Variants in MEGF8 observed in about 807,000 individuals in gnomAD.
The protein encoded by MEGF8 is multiple epidermal growth factor-like domains protein 8.
A neutral mutation model predicts 302.9 loss-of-function variants in MEGF8; 156 were observed. The ratio of observed to expected loss-of-function variants is 0.52; its 90% CI spans 0.45 to 0.59. The LOEUF is 0.59. Among genes scored for constraint, MEGF8 ranks in the 20% least tolerant of loss-of-function variants. The probability of loss-of-function intolerance (pLI) is 0.00; values close to 1 mark genes in which losing one functional copy is unlikely to be tolerated. For synonymous variants in MEGF8, 1,621 were observed against 1,660.5 expected (o/e 0.98, Z 0.58); for missense variants, 3,345 against 3,964.5 (o/e 0.84, Z 4.20).
Position 42,356,904 on chromosome 19 carries a change from G to A in MEGF8, c.4753G>A (p.Gly1585Arg). 1 of 1,609,780 alleles carries A rather than the reference G, an allele frequency of 6.2e-7. No homozygotes were observed. Among genetic ancestry groups the A allele is most frequent in the South Asian group, 1.1e-5 (1 of 89,874 alleles). ...TGGCCGTGGTGCCATGTATCTGCTGGGGGGACTTACCGCTGGAGGCGTCAC... is the reference window on the plus strand; with the variant it reads ...TGGCCGTGGTGCCATGTATCTGCTGAGGGGACTTACCGCTGGAGGCGTCAC... ...PAGRGAMYLL[G>R]GLTAGGVTRD... The change falls in exon 27 of 42, where the codon GGG becomes AGG. Residue 1585 changes from glycine (G) to arginine (R), a missense_variant. Physicochemically the swap from Gly to Arg is moderately radical, Grantham distance 125. Transcript: ENST00000251268. The surrounding 1 kb of genome is among the most constrained non-coding windows in gnomAD (Gnocchi z 5.2).
rs778039973 is a variant in MEGF8 at position 42,351,296 on chromosome 19, C to T, written c.2817C>T (p.Ala939=). ...ACSRRGRGRG[A]LKSPEECPPL... is the part of the protein sequence containing the mutation. ...GCCGGCGGGGCCGGGGTCGGGGTGC[C>T]CTGAAGAGTCCAGAGGAGTGTCCCC... is the stretch of plus-strand genomic sequence containing the variant. Residue 939 remains alanine, a synonymous_variant, in exon 16 of 42, where the codon GCC becomes GCT. Coordinates refer to ENST00000251268, the MANE Select transcript of MEGF8 (RefSeq NM_001271938.2). This position sits in a 1 kb window ranked among gnomAD's most constrained non-coding sequence, Gnocchi z 5.6. 1.2e-5 allele frequency: 19 copies of T among 1,568,450 alleles called. No individual in the cohort carries two copies. Among genetic ancestry groups the T allele is most frequent in the Admixed American group, 1.9e-5 (1 of 52,662 alleles).
chr19:42,342,224 G>A (rs942971656), intron 8 of MEGF8, among the ~76,000 whole-genome samples: 5 of 152,204 alleles, frequency 3.3e-5, no homozygotes, highest in African/African-American at 7.2e-5. Context: ...AGTCCCACAC[G>A]TTTACAGTGC....
In MEGF8 at chr19:42,326,270, G is replaced by C. The variant is rs1029623509; in HGVS notation, c.27G>C (p.Met9Ile). The C allele has an allele frequency of 6.4e-7, 1 of 1,554,446 alleles. No individual in the cohort carries two copies. The highest frequency in any genetic ancestry group is 2.2e-5 in the Admixed American group (1 of 45,286). Residue 9 changes from methionine (M) to isoleucine (I), a missense_variant, in exon 1 of 42, where the codon ATG becomes ATC. By Grantham distance (10) the Met-to-Ile change is conservative (BLOSUM62 1). Transcript: ENST00000251268. MALGKVLA[M>I]ALVLALAVLG... ...TGGCCCTGGGCAAGGTTCTGGCCAT[G>C]GCACTGGTTTTGGCCTTGGCCGTGC...
chr19:42,329,656 G>T lies in MEGF8; in HGVS notation c.187+3226G>T, dbSNP rs557745137. On this transcript the variant is annotated intron_variant, in intron 1 of 41. Coordinates refer to ENST00000251268, the MANE Select transcript of MEGF8 (RefSeq NM_001271938.2). ...ATGCAAGGATTACTCGAGCCCAGGAGTTAGAGACTAGCCTGAACAACATGG... is the reference window on the plus strand; with the variant it reads ...ATGCAAGGATTACTCGAGCCCAGGATTTAGAGACTAGCCTGAACAACATGG... 2.0e-5 allele frequency among the ~76,000 whole-genome samples: 3 copies of T among 152,308 alleles called. No homozygotes were observed. The South Asian group carries it at 6.2e-4, about 32-fold the overall frequency.
In MEGF8 at chr19:42,368,507, G is replaced by A; in HGVS notation, c.6326G>A (p.Arg2109Gln). Residue 2109 changes from arginine to glutamine, a missense_variant, in exon 36 of 42, where the codon CGG (arginine) becomes CAG (glutamine). Transcript: ENST00000251268. The surrounding 1 kb of genome is among the most constrained non-coding windows in gnomAD (Gnocchi z 4.9). The stretch of plus-strand genomic sequence containing the variant: ...CGATGTATGGCCGGAGGCTGTGGGC[G>A]GCTGCTCCGGGGACCTGAGAGCTGC... ...PLRCMAGGCGRLLRGPESCSL... is the reference protein window; with the variant it reads ...PLRCMAGGCGQLLRGPESCSL... 6.2e-7 allele frequency: 1 copy of A among 1,609,326 alleles called. No individual in the cohort carries two copies. Among genetic ancestry groups the A allele is most frequent in the Non-Finnish European group, 8.5e-7 (1 of 1,178,540 alleles).
Position 42,352,941 on chromosome 19 carries a change from T to C in MEGF8, c.3364T>C (p.Cys1122Arg). The change falls in exon 20 of 42, where the codon TGT becomes CGT. Residue 1122 changes from cysteine (C) to arginine (R), a missense_variant. By Grantham distance (180) the Cys-to-Arg change is radical. Transcript: ENST00000251268. The surrounding 1 kb of genome is among the most constrained non-coding windows in gnomAD (Gnocchi z 4.4). The stretch of plus-strand genomic sequence containing the variant: ...ACGGCCCCTCAGGTGCTTGGAGGAC[T>C]GTGGCCATGGTGTGTGCAGTGGCCC... ...SHCNRTCLED[C>R]GHGVCSGPPD... 6.3e-7 allele frequency: 1 copy of C among 1,598,786 alleles called. No individual in the cohort carries two copies. The highest frequency in any genetic ancestry group is 8.5e-7 in the Non-Finnish European group (1 of 1,173,480).
intron 8 of MEGF8, 53 bp downstream of exon 8, chr19:42,337,259 A>G (rs1431751845): frequency 6.2e-7 from 1 of 1,609,464 alleles, no homozygotes; most frequent in East Asian, 2.2e-5. Flanking sequence ...ACCTCTCTCC[A>G]TAGTGATTCT....
At chr19:42,348,710 CT>C (rs2039325994) in intron 13 of MEGF8, among the ~76,000 whole-genome samples, 1 of 152,222 alleles carries the variant, frequency 6.6e-6, no homozygotes, top group African/African-American at 2.4e-5. Flanking sequence ...AGCAATTCTT[CT>C]GCCTCAGCCT....
chr19:42,347,001 AAAAAG>A (rs1219581280), intron 12 of MEGF8, among the ~76,000 whole-genome samples: 2 of 150,436 alleles, frequency 1.3e-5, no homozygotes, highest in African/African-American at 4.9e-5. Flanking sequence ...AAAAAAAAAA[AAAAAG>A]AAAAAGAAAA....
chr19:42,340,462 C>G (rs1403088457), intron 8 of MEGF8, among the ~76,000 whole-genome samples: 1 of 152,148 alleles, frequency 6.6e-6, no homozygotes, highest in Non-Finnish European at 1.5e-5. Context: ...CTCCTGGCCT[C>G]AAGTGATCCA....
Position 42,358,053 on chromosome 19 carries a change from G to C in MEGF8, c.5012-91G>C, listed in dbSNP as rs2039477227. 2 of 1,280,144 alleles carry C rather than the reference G, an allele frequency of 1.6e-6. No homozygotes were observed. The highest frequency in any genetic ancestry group is 6.8e-5 in the Admixed American group (2 of 29,362). 79.3% of individuals were successfully genotyped at this position (1,280,144 alleles called of 1,614,324 possible). ...GGCCTCCAGTCTCAGGGCCGGGGAA[G>C]GGAGTGGTCACCGAACAGGGGACCG... On this transcript the variant is annotated intron_variant, in intron 28 of 41. Coordinates refer to ENST00000251268, the MANE Select transcript of MEGF8 (RefSeq NM_001271938.2). This position sits in a 1 kb window ranked among gnomAD's most constrained non-coding sequence, Gnocchi z 4.4.
rs780548431 is a variant in MEGF8, at chr19:42,350,315, C to T, written c.2667C>T (p.Ser889=). ...AHCGDDGAGG[S]LLVLVPTLCP... is the part of the protein sequence containing the mutation. ...GCGGGGATGACGGGGCTGGTGGGTC[C>T]CTGCTGGTGCTGGTGCCTACCCTCT... The change falls in exon 15 of 42, where the codon TCC becomes TCT. Residue 889 remains serine (S), a synonymous_variant. Coordinates refer to ENST00000251268, the MANE Select transcript of MEGF8 (RefSeq NM_001271938.2). The T allele has an allele frequency of 1.0e-5, 16 of 1,607,936 alleles. No individual in the cohort carries two copies. Among genetic ancestry groups the T allele is most frequent in the Non-Finnish European group, 1.3e-5 (15 of 1,179,590 alleles).
rs1258266687 is a variant in MEGF8 at position 42,358,649 on chromosome 19, G to C, written c.5176-138G>C. ...AAGGCCAAGGAGAATGTGTGTGGGA[G>C]GGCAGGGAGCCCTGTCTGCACTGGT... is the stretch of plus-strand genomic sequence containing the variant. On this transcript the variant is annotated intron_variant, in intron 29 of 41. Coordinates refer to ENST00000251268, the MANE Select transcript of MEGF8 (RefSeq NM_001271938.2). The surrounding 1 kb of genome is among the most constrained non-coding windows in gnomAD (Gnocchi z 4.4). The C allele has an allele frequency of 9.6e-7, 1 of 1,039,268 alleles. No homozygotes were observed. The highest frequency in any genetic ancestry group is 1.6e-5 in the African/African-American group (1 of 61,130). 64.4% of individuals were successfully genotyped at this position (1,039,268 alleles called of 1,614,324 possible). A position where few individuals can be genotyped will look rare whatever the true frequency, so the allele number is the denominator to read the frequency against.
At chr19:42,335,562 C>T (rs761767863) in intron 5 of MEGF8, among the ~76,000 whole-genome samples, 177 bp downstream of exon 5, 9 of 152,150 alleles carry the variant, frequency 5.9e-5, no homozygotes, top group Non-Finnish European at 1.0e-4. Context: ...TCTTCCTCTT[C>T]CTTTATCTGC....
rs2039750680 is a variant in MEGF8 at position 42,375,375 on chromosome 19, TG to T, written c.7270-128del. 5.3e-6 allele frequency: 5 copies of T among 936,256 alleles called. No individual in the cohort carries two copies. In the Admixed American group the frequency reaches 1.1e-4, roughly 21 times the overall value. The allele number at this position is 936,256 out of a possible 1,614,324, so 58.0% of individuals were successfully genotyped here. A position where few individuals can be genotyped will look rare whatever the true frequency, so the allele number is the denominator to read the frequency against. ...GTCCGGGGGGTCACAGGGAAGTGAC[TG>T]GGGCAGTGGGGGTGAGGCCCAGGGC... is the stretch of plus-strand genomic sequence containing the variant. On this transcript the variant is annotated intron_variant, in intron 41 of 41. Coordinates refer to ENST00000251268, the MANE Select transcript of MEGF8 (RefSeq NM_001271938.2). This position sits in a 1 kb window ranked among gnomAD's most constrained non-coding sequence, Gnocchi z 7.1.
Position 42,344,495 on chromosome 19 carries a change from T to C in MEGF8, c.1843T>C (p.Cys615Arg). Residue 615 changes from cysteine to arginine, a missense_variant, in exon 11 of 42, where the codon TGC becomes CGC. Cys to Arg is a radical substitution (Grantham distance 180). Transcript: ENST00000251268. This position sits in a 1 kb window ranked among gnomAD's most constrained non-coding sequence, Gnocchi z 4.5. ...LGRLLGDCQA[C>R]LAFSSPTAPP... ...CCGCCTCCTGGGTGACTGCCAGGCC[T>C]GCCTGGCCTTCAGCAGCCCCACAGC... 9.4e-6 allele frequency: 15 copies of C among 1,598,660 alleles called. No homozygotes were observed. Among genetic ancestry groups the C allele is most frequent in the Non-Finnish European group, 1.3e-5 (15 of 1,179,354 alleles).
chr19:42,353,719 G>C lies in MEGF8; in HGVS notation c.3761+44G>C. 1.3e-6 allele frequency: 2 copies of C among 1,573,456 alleles called. No individual in the cohort carries two copies. Among genetic ancestry groups the C allele is most frequent in the Non-Finnish European group, 1.7e-6 (2 of 1,154,420 alleles). On this transcript the variant is annotated intron_variant, in intron 21 of 41. Coordinates refer to ENST00000251268, the MANE Select transcript of MEGF8 (RefSeq NM_001271938.2). This position sits in a 1 kb window ranked among gnomAD's most constrained non-coding sequence, Gnocchi z 6.1. Reference sequence around the variant, plus strand: ...CAGGGCTGGGTAGGGTGTGCTTGGGGACACAGTGGGGAGGGTCAGGACTGG... The same window carrying C: ...CAGGGCTGGGTAGGGTGTGCTTGGGCACACAGTGGGGAGGGTCAGGACTGG...
intron 41 of MEGF8, among the ~76,000 whole-genome samples, chr19:42,372,074 A>ACAAAC (rs1555784681): frequency 0.073 from 5,744 of 78,864 alleles, 140 homozygotes; most frequent in Non-Finnish European, 0.12. Flanking sequence ...AACAACAACA[A>ACAAAC]ACACACACAC....
In MEGF8 at chr19:42,354,788, AC is replaced by A. The variant is rs2039427684; in HGVS notation, c.4144+70del. The stretch of plus-strand genomic sequence containing the variant: ...TGTATCCCTTGCCCCTGAACTCACC[AC>A]CTGAAGTGGGCTCAGGACCCAGCTC... On this transcript the variant is annotated intron_variant, in intron 23 of 41. Coordinates refer to ENST00000251268, the MANE Select transcript of MEGF8 (RefSeq NM_001271938.2). This position sits in a 1 kb window ranked among gnomAD's most constrained non-coding sequence, Gnocchi z 4.3. The A allele has an allele frequency of 6.6e-7, 1 of 1,504,546 alleles. No individual in the cohort carries two copies. Among genetic ancestry groups the A allele is most frequent in the African/African-American group, 1.4e-5 (1 of 72,292 alleles). The allele number at this position is 1,504,546 out of a possible 1,614,324, so 93.2% of individuals were successfully genotyped here. A position where few individuals can be genotyped will look rare whatever the true frequency, so the allele number is the denominator to read the frequency against.
Sources: gnomAD v4.1 joint callset for allele counts (sites outside exome capture counted in the v4.1 genomes callset) on GRCh38, gnomAD v4.1.1 for gene constraint, Gnocchi (gnomAD v3.1) non-coding constraint, MANE v1.5 for transcripts, NCBI Gene and HGNC (gene_info 2026-07-23, HGNC 2026-07-21) for gene names.